The following SREK1 variants were observed in gnomAD, a reference collection of about 807,000 sequenced individuals.
The protein encoded by SREK1 is splicing regulatory glutamic acid and lysine rich protein 1.
SREK1 carries 13 observed loss-of-function variants against 66.5 expected under a neutral mutation model. That is an observed-to-expected ratio of 0.20 (90% CI 0.13 to 0.31). The LOEUF is 0.31. Among genes scored for constraint, SREK1 ranks in the 10% least tolerant of loss-of-function variants. The pLI is 1.00. For missense variants in SREK1, 607 were observed against 769.6 expected, an observed-to-expected ratio of 0.79 and a Z score of 2.50; for synonymous variants, 265 against 263.5, an observed-to-expected ratio of 1.01 and a Z score of -0.05.
chr5:66,144,753 A>G (rs1743006095), intron 1 of SREK1: 2 of 1,254,852 alleles, frequency 1.6e-6, no homozygotes, highest in Non-Finnish European at 2.0e-6. Flanking sequence ...AGCCCTTACC[A>G]AGGATTTAGA....
intron 3 of SREK1, 80 bp downstream of exon 3, chr5:66,159,414 G>A: frequency 1.8e-6 from 2 of 1,107,370 alleles, no homozygotes; most frequent in Middle Eastern, 2.2e-4. Flanking sequence ...CAGATTATTT[G>A]CATTTGGATC....
At chr5:66,177,761 TTGGCATTTTA>T in intron 11 of SREK1, 103 bp downstream of exon 11, 7 of 945,182 alleles carry the variant, frequency 7.4e-6, no homozygotes, top group Non-Finnish European at 8.8e-6. Flanking sequence ...TTGTACATTG[TTGGCATTTTA>T]TGGCATTTTA....
intron 9 of SREK1, among the ~76,000 whole-genome samples, 182 bp downstream of exon 9, chr5:66,171,129 G>A (rs141041461): frequency 0.01 from 1,565 of 152,182 alleles, 12 homozygotes; most frequent in Middle Eastern, 0.031. Flanking sequence ...ATGATACTGG[G>A]CAACATTATT....
chr5:66,147,247 T>C (rs1743322725), intron 1 of SREK1, among the ~76,000 whole-genome samples: 2 of 152,248 alleles, frequency 1.3e-5, no homozygotes, highest in African/African-American at 4.8e-5. Flanking sequence ...TGTCATCCTT[T>C]TTTTGTGCTG....
At chr5:66,153,756 T>G in intron 2 of SREK1, 160 bp downstream of exon 2, 1 of 784,706 alleles carries the variant, frequency 1.3e-6, no homozygotes, top group Non-Finnish European at 2.0e-6. Flanking sequence ...ATAGTAATAT[T>G]AAAATGGTTA....
Position 66,170,923 on chromosome 5 carries a change from C to G in SREK1, c.1460C>G (p.Ser487Trp), listed in dbSNP as rs371348325. The G allele has an allele frequency of 6.2e-7, 1 of 1,606,402 alleles. No homozygotes were observed. ...SRTPPRSYNA[S>W]RRSRSSSRER... ...ACACCACCCAGGAGTTACAATGCAT[C>G]GCGAAGATCTCGTAGTTCCAGCAGG... The change falls in exon 9 of 12, where the codon TCG (serine) becomes TGG (tryptophan). Residue 487 changes from serine (S) to tryptophan (W), a missense_variant. Around this residue, in one of 5 missense-constraint regions of SREK1, gnomAD observed 318 missense variants for 310.3 expected, o/e 1.02. Transcript: ENST00000334121.
rs1481265691 is a variant in SREK1 at position 66,182,062 on chromosome 5, A to G, written c.*3194A>G. ...TGTGTAGATTCAAGAATTATAATGT[A>G]GAGTAATAGGCCTTTAAGTTTTTTT... On this transcript the variant is annotated 3_prime_UTR_variant, in exon 12 of 12. Coordinates refer to ENST00000334121, the MANE Select transcript of SREK1 (RefSeq NM_001077199.3). 1 of 149,960 alleles carries G rather than the reference A, an allele frequency of 6.7e-6. No homozygotes were observed. The highest frequency in any genetic ancestry group is 2.5e-5 in the African/African-American group (1 of 40,680). The allele number at this position is 149,960 out of a possible 1,614,324, so 9.3% of individuals were successfully genotyped here.
intron 2 of SREK1, 177 bp from the exon 3 acceptor site, chr5:66,159,042 C>T (rs1744512754): frequency 2.8e-6 from 4 of 1,416,580 alleles, no homozygotes; most frequent in Middle Eastern, 3.8e-4. Flanking sequence ...TTTTATTTTT[C>T]CTAGTAGAGC....
Position 66,144,315 on chromosome 5 carries a change from G to T in SREK1, c.-62G>T, listed in dbSNP as rs561816736. The T allele has an allele frequency of 7.4e-7, 1 of 1,355,002 alleles. No homozygotes were observed. The highest frequency in any genetic ancestry group is 1.0e-6 in the Non-Finnish European group (1 of 1,002,424). 83.9% of individuals were successfully genotyped at this position (1,355,002 alleles called of 1,614,324 possible). On this transcript the variant is annotated 5_prime_UTR_variant, in exon 1 of 12. Coordinates refer to ENST00000334121, the MANE Select transcript of SREK1 (RefSeq NM_001077199.3). ...GCGGCCGCGCGTTCTCCGCTTTCCC[G>T]GCTCCGTCGCTGACGCGTCGTAGAC... is the stretch of plus-strand genomic sequence containing the variant.
chr5:66,151,912 C>T (rs1220017085), intron 1 of SREK1, among the ~76,000 whole-genome samples: 4 of 125,692 alleles, frequency 3.2e-5, no homozygotes, highest in African/African-American at 1.2e-4. Context: ...GTGGCGCAAT[C>T]TCGGCTCACT....
intron 1 of SREK1, among the ~76,000 whole-genome samples, chr5:66,152,247 ATTGT>A (rs201155406): frequency 0.013 from 1,910 of 152,326 alleles, 42 homozygotes; most frequent in African/African-American, 0.043. Context: ...TTATTATCAC[ATTGT>A]TTGGTTAATA....
chr5:66,171,261 G>T (rs552255018), intron 9 of SREK1, among the ~76,000 whole-genome samples: 1 of 152,014 alleles, frequency 6.6e-6, no homozygotes, highest in Non-Finnish European at 1.5e-5. Context: ...AAGAATTTGC[G>T]TCTTAGGCTT....
rs1014373528 is a variant in SREK1 at position 66,144,718 on chromosome 5, A to G, written c.161+181A>G. The G allele has an allele frequency of 1.2e-5, 16 of 1,306,046 alleles. No individual in the cohort carries two copies. The African/African-American group carries it at 2.1e-4, about 17-fold the overall frequency. The allele number at this position is 1,306,046 out of a possible 1,614,324, so 80.9% of individuals were successfully genotyped here. A position where few individuals can be genotyped will look rare whatever the true frequency, so the allele number is the denominator to read the frequency against. On this transcript the variant is annotated intron_variant, in intron 1 of 11. Coordinates refer to ENST00000334121, the MANE Select transcript of SREK1 (RefSeq NM_001077199.3). ...CCGCCGTCCTGCTCTCCTTAGTCGG[A>G]TTTGGGGGGTTAACTACTGCACGGA...
intron 7 of SREK1, chr5:66,167,893 A>G (rs1317891731): frequency 6.6e-6 from 1 of 152,200 alleles, no homozygotes; most frequent in Non-Finnish European, 1.5e-5. Context: ...AAGGCACTTT[A>G]AAAGATTACC....
At chr5:66,146,846 AAT>A (rs1162241596) in intron 1 of SREK1, among the ~76,000 whole-genome samples, 1 of 152,194 alleles carries the variant, frequency 6.6e-6, no homozygotes, top group African/African-American at 2.4e-5. Flanking sequence ...TAAAATTGGA[AAT>A]ATATTTATTT....
intron 11 of SREK1, 47 bp from the exon 12 acceptor site, chr5:66,178,672 A>G: frequency 6.8e-7 from 1 of 1,480,884 alleles, no homozygotes; most frequent in Non-Finnish European, 9.0e-7. Context: ...CATAGCAGGC[A>G]GTTCTTGAGG....
chr5:66,174,352 TTTAAA>T (rs1253193698), intron 9 of SREK1, among the ~76,000 whole-genome samples: 2 of 150,184 alleles, frequency 1.3e-5, no homozygotes, highest in Admixed American at 1.3e-4. Flanking sequence ...TACACTAAAT[TTTAAA>T]TTAATAGAAC....
chr5:66,157,180 G>A (rs563469945), intron 2 of SREK1: 17 of 948,036 alleles, frequency 1.8e-5, no homozygotes, highest in South Asian at 1.5e-4. Context: ...ATTTATAGTA[G>A]TATACTATAT....
chr5:66,177,402 T>A, intron 10 of SREK1, 112 bp from the exon 11 acceptor site: 1 of 935,638 alleles, frequency 1.1e-6, no homozygotes, highest in Non-Finnish European at 1.5e-6. Context: ...TGTTGATGCT[T>A]ATTAACAATG....
Sources: allele counts gnomAD v4.1 joint callset (sites outside exome capture counted in the v4.1 genomes callset), GRCh38; gene constraint gnomAD v4.1.1; regional missense constraint gnomAD v4.1.1; transcripts MANE v1.5; gene names NCBI Gene and HGNC (gene_info 2026-07-23, HGNC 2026-07-21).